Variants in CFAP69 observed in about 807,000 individuals in gnomAD.
The protein encoded by CFAP69 is cilia- and flagella-associated protein 69.
CFAP69 carries 92 observed loss-of-function variants against 123.0 expected under a neutral mutation model. The ratio of observed to expected loss-of-function variants is 0.75; its 90% CI spans 0.63 to 0.89. CFAP69 has a LOEUF of 0.89. Among genes scored for constraint, CFAP69 ranks in the 40% least tolerant of loss-of-function variants. The pLI, the probability that CFAP69 is intolerant of heterozygous loss-of-function variation, is 0.00. For synonymous variants in CFAP69, 380 were observed against 364.3 expected (o/e 1.04, Z -0.49); for missense variants, 1,067 against 1,096.9 (o/e 0.97, Z 0.39).
chr7:90,285,409 G>T (rs1465550864), intron 13 of CFAP69, among the ~76,000 whole-genome samples: 1 of 151,982 alleles, frequency 6.6e-6, no homozygotes, highest in African/African-American at 2.4e-5. Flanking sequence ...CCGAGAAAAA[G>T]TCACTTTTTT....
chr7:90,250,265 A>G (rs1011550533), intron 1 of CFAP69, among the ~76,000 whole-genome samples: 6 of 150,090 alleles, frequency 4.0e-5, no homozygotes, highest in Non-Finnish European at 7.4e-5. Context: ...GGAGTCAGGC[A>G]GAGAACTAAG....
chr7:90,310,138 C>T lies in CFAP69; in HGVS notation c.2726C>T (p.Thr909Met), dbSNP rs747560061. 36 of 1,613,636 alleles carry T rather than the reference C, an allele frequency of 2.2e-5. No homozygotes were observed. The highest frequency in any genetic ancestry group is 3.0e-5 in the Non-Finnish European group (35 of 1,179,796). The change falls in exon 23 of 23, where the codon ACG becomes ATG. Residue 909 changes from threonine (T) to methionine (M), a missense_variant. Thr to Met is a moderately conservative substitution (Grantham distance 81). Coordinates refer to ENST00000389297, the MANE Select transcript of CFAP69 (RefSeq NM_001039706.3). Reference protein sequence around the residue: ...ARLVGGPLVDTDIALKKLPIR... With the variant: ...ARLVGGPLVDMDIALKKLPIR... ...TTAGTAGGAGGACCTCTGGTTGATACGGATATTGCTCTTAAAAAACTGCCC... is the reference window on the plus strand; with the variant it reads ...TTAGTAGGAGGACCTCTGGTTGATATGGATATTGCTCTTAAAAAACTGCCC...
intron 1 of CFAP69, among the ~76,000 whole-genome samples, chr7:90,247,104 A>G (rs1194489578): frequency 6.6e-6 from 1 of 152,220 alleles, no homozygotes; most frequent in African/African-American, 2.4e-5. Flanking sequence ...TCCCCAAAGA[A>G]ATAGAATAGG....
chr7:90,295,400 T>C (rs561945705), intron 15 of CFAP69, among the ~76,000 whole-genome samples: 1 of 152,270 alleles, frequency 6.6e-6, no homozygotes, highest in African/African-American at 2.4e-5. Context: ...CCCAATGCCA[T>C]CCTTCAGCCG....
downstream of CFAP69, among the ~76,000 whole-genome samples, chr7:90,311,324 G>A (rs571658324): frequency 5.9e-5 from 9 of 152,272 alleles, no homozygotes; most frequent in East Asian, 1.7e-3. Context: ...TGTTTCTTAG[G>A]AAAATAAACT....
At chr7:90,322,187 T>G in the CFAP69 span, 1 of 152,318 alleles carries the variant, frequency 6.6e-6, no homozygotes, top group African/African-American at 2.4e-5. Flanking sequence ...CAATCATTAG[T>G]TCTGCCCTGG....
chr7:90,267,480 C>A (rs1269710462), intron 5 of CFAP69, among the ~76,000 whole-genome samples: 1 of 152,116 alleles, frequency 6.6e-6, no homozygotes, highest in Non-Finnish European at 1.5e-5. Context: ...TTTCAGATAC[C>A]CTTGGGGATC....
chr7:90,311,996 T>C (rs1028734892), downstream of CFAP69, among the ~76,000 whole-genome samples: 6 of 152,202 alleles, frequency 3.9e-5, no homozygotes, highest in Non-Finnish European at 5.9e-5. Flanking sequence ...TTAGGTACAC[T>C]TGAATTGATG....
At chr7:90,293,051 G>T (rs768653599) in intron 15 of CFAP69, among the ~76,000 whole-genome samples, 13 of 152,162 alleles carry the variant, frequency 8.5e-5, no homozygotes, top group Non-Finnish European at 1.5e-4. Flanking sequence ...ACGATTTTAT[G>T]TAGCAATTAT....
intron 5 of CFAP69, chr7:90,266,137 A>T (rs542935388): frequency 3.0e-4 from 45 of 152,282 alleles, no homozygotes; most frequent in African/African-American, 1.0e-3. Flanking sequence ...CCAGCATTAT[A>T]CTCCATATAG....
chr7:90,279,834 ACATGT>A lies in CFAP69; in HGVS notation c.1318_1322del (p.Ser440ProfsTer14). ...GTGGCTCCTTTATTAATAGAAGAAT[ACATGT>A]CATGCCAGGGAAATGCTCGAGTCCT... On this transcript the variant is annotated frameshift_variant, in exon 12 of 23. Transcript: ENST00000389297. LOFTEE classifies it high-confidence loss of function. 1 of 1,612,572 alleles carries A rather than the reference ACATGT, an allele frequency of 6.2e-7. No individual in the cohort carries two copies. The highest frequency in any genetic ancestry group is 2.2e-5 in the East Asian group (1 of 44,804).
In CFAP69 at chr7:90,245,374, G is replaced by T; in HGVS notation, c.-51G>T. 6.9e-7 allele frequency: 1 copy of T among 1,454,806 alleles called. No individual in the cohort carries two copies. The highest frequency in any genetic ancestry group is 9.1e-7 in the Non-Finnish European group (1 of 1,102,648). 90.1% of individuals were successfully genotyped at this position (1,454,806 alleles called of 1,614,324 possible). ...CTCTTTGGGCCCAGCGGCTGCGGGC[G>T]CACTGTAGGACAGGAAGATCCCCCC... On this transcript the variant is annotated 5_prime_UTR_variant, in exon 1 of 23. Transcript: ENST00000389297.
intron 8 of CFAP69, among the ~76,000 whole-genome samples, chr7:90,273,600 C>T (rs984407200): frequency 6.6e-6 from 1 of 152,104 alleles, no homozygotes; most frequent in Non-Finnish European, 1.5e-5. Flanking sequence ...GAAGTATTTT[C>T]ATAAAAGTGT....
At position 90,278,788 on chromosome 7, in the gene CFAP69, G is replaced by T. The variant is rs535626194; in HGVS notation, c.1156-889G>T. On this transcript the variant is annotated intron_variant, in intron 11 of 22. Transcript: ENST00000389297. Reference sequence around the variant, plus strand: ...ACACTATCATTTGCAATACACAGGGGTGTTTTTTGAAACATTATATACTTA... The same window carrying T: ...ACACTATCATTTGCAATACACAGGGTTGTTTTTTGAAACATTATATACTTA... 2.0e-5 allele frequency among the ~76,000 whole-genome samples: 3 copies of T among 152,140 alleles called. No individual in the cohort carries two copies. In the East Asian group the frequency reaches 5.8e-4, roughly 29 times the overall value.
intron 12 of CFAP69, among the ~76,000 whole-genome samples, chr7:90,281,961 C>A (rs1468409238): frequency 2.6e-5 from 4 of 152,060 alleles, no homozygotes; most frequent in Non-Finnish European, 5.9e-5. Context: ...ACAGAGAAAA[C>A]CCCAAATTTT....
chr7:90,305,753 C>G (rs1309579046), intron 19 of CFAP69, among the ~76,000 whole-genome samples: 1 of 151,238 alleles, frequency 6.6e-6, no homozygotes. Context: ...ATTATTTTAT[C>G]ATTACTTTAT....
intron 1 of CFAP69, among the ~76,000 whole-genome samples, chr7:90,248,854 T>C (rs909959582): frequency 4.6e-5 from 7 of 152,212 alleles, no homozygotes; most frequent in African/African-American, 1.7e-4. Context: ...GCTTGCCCTT[T>C]CTGTGTCTGT....
Position 90,245,407 on chromosome 7 carries a change from AC to A in CFAP69, c.-14del. On this transcript the variant is annotated 5_prime_UTR_variant, in exon 1 of 23. Transcript: ENST00000389297. ...GGACAGGAAGATCCCCCCACTCTCC[AC>A]CCCGCCGCCACCGGCCATGTGGACA... 2 of 1,531,018 alleles carry A rather than the reference AC, an allele frequency of 1.3e-6. No homozygotes were observed. The highest frequency in any genetic ancestry group is 8.8e-7 in the Non-Finnish European group (1 of 1,141,046). The allele number at this position is 1,531,018 out of a possible 1,614,324, so 94.8% of individuals were successfully genotyped here. A position where few individuals can be genotyped will look rare whatever the true frequency, so the allele number is the denominator to read the frequency against.
In CFAP69 at chr7:90,282,994, A is replaced by G; in HGVS notation, c.1475A>G (p.Tyr492Cys). 6.3e-7 allele frequency: 1 copy of G among 1,592,542 alleles called. No individual in the cohort carries two copies. Among genetic ancestry groups the G allele is most frequent in the African/African-American group, 1.4e-5 (1 of 73,842 alleles). ...YSLRLLRAVV[Y>C]LEDETVNKDL... ...TTAAGACTCCTGAGAGCCGTGGTCTACCTTGAAGATGAGACTGTAAACAAA... is the reference window on the plus strand; with the variant it reads ...TTAAGACTCCTGAGAGCCGTGGTCTGCCTTGAAGATGAGACTGTAAACAAA... Residue 492 changes from tyrosine (Y) to cysteine (C), a missense_variant, in exon 13 of 23, where the codon TAC (tyrosine) becomes TGC (cysteine). Transcript: ENST00000389297.
Sources: allele counts gnomAD v4.1 joint callset (sites outside exome capture counted in the v4.1 genomes callset), GRCh38; gene constraint gnomAD v4.1.1; transcripts MANE v1.5; gene names NCBI Gene and HGNC (gene_info 2026-07-23, HGNC 2026-07-21).